PLEKHG7: variants seen among roughly 807,000 people sequenced by gnomAD.
The protein encoded by PLEKHG7 is pleckstrin homology and RhoGEF domain containing G7, also known as pleckstrin homology domain-containing family G member 7.
Under a neutral mutation model 85.2 loss-of-function variants are expected in PLEKHG7, and 77 were observed. The ratio of observed to expected loss-of-function variants is 0.90; its 90% CI spans 0.75 to 1.09. The LOEUF is 1.09. PLEKHG7 is among the 50% of genes least tolerant of loss of function. The pLI, the probability that PLEKHG7 is intolerant of heterozygous loss-of-function variation, is 0.00. For synonymous variants in PLEKHG7, 301 were observed against 302.4 expected, an observed-to-expected ratio of 1.00 and a Z score of 0.05; for missense variants, 777 against 804.3, an observed-to-expected ratio of 0.97 and a Z score of 0.41.
Position 92,761,601 on chromosome 12 carries a change from GAAA to G in PLEKHG7, c.1637-150_1637-148del, listed in dbSNP as rs1196818112. ...GAAGGAAAGAGAGAATGAAAAGAAA[GAAA>G]GAAAAAGAAAGAAAGAAAGAAGAAA... On this transcript the variant is annotated intron_variant, in intron 13 of 16. Coordinates refer to ENST00000344636, the MANE Select transcript of PLEKHG7 (RefSeq NM_001377329.1). 68 of 978,664 alleles carry G rather than the reference GAAA, an allele frequency of 6.9e-5. 1 individual carries two copies. In the African/African-American group the frequency reaches 1.3e-3, roughly 19 times the overall value. The allele number at this position is 978,664 out of a possible 1,614,324, so 60.6% of individuals were successfully genotyped here.
rs746464174 is a variant in PLEKHG7 at position 92,740,838 on chromosome 12, T to TA, written c.940-15_940-14insA. 15 of 1,540,172 alleles carry TA rather than the reference T, an allele frequency of 9.7e-6. No individual in the cohort carries two copies. In the South Asian group the frequency reaches 1.7e-4, roughly 18 times the overall value. On this transcript the variant is annotated splice_polypyrimidine_tract_variant and intron_variant, in intron 7 of 16. Transcript: ENST00000344636. ...AAAAACAGAAATTAATGTGTATATA[T>TA]TTTTTATTTCAAAGATCTTTATGAA...
chr12:92,753,979 T>C (rs911170421), intron 10 of PLEKHG7, 111 bp from the exon 11 acceptor site: 5 of 1,053,950 alleles, frequency 4.7e-6, no homozygotes, highest in Non-Finnish European at 6.9e-6. Context: ...AACTCACAAG[T>C]AGGTCCTGCA....
At position 92,755,904 on chromosome 12, in the gene PLEKHG7, G is replaced by A. The variant is rs767021163; in HGVS notation, c.1506G>A (p.Pro502=). 28 of 1,613,030 alleles carry A rather than the reference G, an allele frequency of 1.7e-5. No homozygotes were observed. Among genetic ancestry groups the A allele is most frequent in the Admixed American group, 8.4e-5 (5 of 59,822 alleles). ...TACAGGAGATTATAGTGTGGCCACC[G>A]CTTTGGGATAGAGATAAAAGGTTTT... is the stretch of plus-strand genomic sequence containing the variant. ...RYLQEIIVWP[P]LWDRDKRFFI... The change falls in exon 12 of 17, where the codon CCG becomes CCA. Residue 502 remains proline, a synonymous_variant. Coordinates refer to ENST00000344636, the MANE Select transcript of PLEKHG7 (RefSeq NM_001377329.1).
intron 1 of PLEKHG7, among the ~76,000 whole-genome samples, chr12:92,705,324 G>T (rs1871202354): frequency 6.6e-6 from 1 of 151,904 alleles, no homozygotes; most frequent in African/African-American, 2.4e-5. Flanking sequence ...TAAGGAAAAG[G>T]TTTATTGGTT....
intron 3 of PLEKHG7, among the ~76,000 whole-genome samples, chr12:92,711,634 T>C (rs1396075224): frequency 6.6e-6 from 1 of 151,794 alleles, no homozygotes; most frequent in Non-Finnish European, 1.5e-5. Context: ...AAAAGGAGAG[T>C]AGTTATCTGC....
At chr12:92,725,212 C>G (rs1021125711) in intron 3 of PLEKHG7, among the ~76,000 whole-genome samples, 6 of 152,134 alleles carry the variant, frequency 3.9e-5, no homozygotes, top group Non-Finnish European at 5.9e-5. Flanking sequence ...AAGCACCAAG[C>G]TGGGAAGCAC....
chr12:92,719,503 AAGGCTGCCTGATT>A (rs1871578668), intron 3 of PLEKHG7, among the ~76,000 whole-genome samples: 2 of 152,204 alleles, frequency 1.3e-5, no homozygotes, highest in African/African-American at 2.4e-5. Context: ...AGGGCCTGAT[AAGGCTGCCTGATT>A]AAAAAACAAA....
At chr12:92,733,605 C>G (rs1872054908) in intron 5 of PLEKHG7, among the ~76,000 whole-genome samples, 1 of 152,268 alleles carries the variant, frequency 6.6e-6, no homozygotes, top group South Asian at 2.1e-4. Flanking sequence ...CTCCTGAGCT[C>G]TTTCTTCGAA....
At chr12:92,723,473 A>C (rs1871702334) in intron 3 of PLEKHG7, among the ~76,000 whole-genome samples, 1 of 152,212 alleles carries the variant, frequency 6.6e-6, no homozygotes, top group African/African-American at 2.4e-5. Context: ...TTGTACTTAA[A>C]GAGTGTCAGT....
chr12:92,749,444 A>C (rs868330260), intron 10 of PLEKHG7: 10 of 152,260 alleles, frequency 6.6e-5, no homozygotes, highest in South Asian at 2.1e-4. Context: ...AACATGTGCC[A>C]CCACACCTGA....
Position 92,710,700 on chromosome 12 carries a change from G to T in PLEKHG7, c.530+3028G>T, listed in dbSNP as rs577535685. 4.6e-5 allele frequency among the ~76,000 whole-genome samples: 7 copies of T among 152,312 alleles called. No homozygotes were observed. In the South Asian group the frequency reaches 8.3e-4, roughly 18 times the overall value. On this transcript the variant is annotated intron_variant, in intron 3 of 16. Coordinates refer to ENST00000344636, the MANE Select transcript of PLEKHG7 (RefSeq NM_001377329.1). ...TTGATCTATGCTGCTGGCAAACTGGGCACTCAGAAGTGGCTGTAGCCAGGT... is the reference window on the plus strand; with the variant it reads ...TTGATCTATGCTGCTGGCAAACTGGTCACTCAGAAGTGGCTGTAGCCAGGT...
rs187220439 is a variant in PLEKHG7, at chr12:92,714,086, C to A, written c.530+6414C>A. Among the ~76,000 whole-genome samples, 26 of 152,350 alleles carry A rather than the reference C, an allele frequency of 1.7e-4. No homozygotes were observed. In the East Asian group the frequency reaches 4.6e-3, roughly 27 times the overall value. On this transcript the variant is annotated intron_variant, in intron 3 of 16. Coordinates refer to ENST00000344636, the MANE Select transcript of PLEKHG7 (RefSeq NM_001377329.1). ...CTCATGGGTCACACTCTCAACCTTACCTCTAGGTGCCTGCCGGGACTTTAG... is the reference window on the plus strand; with the variant it reads ...CTCATGGGTCACACTCTCAACCTTAACTCTAGGTGCCTGCCGGGACTTTAG...
At chr12:92,720,753 T>A (rs1871616412) in intron 3 of PLEKHG7, among the ~76,000 whole-genome samples, 1 of 152,204 alleles carries the variant, frequency 6.6e-6, no homozygotes, top group African/African-American at 2.4e-5. Flanking sequence ...AATAAGGCCA[T>A]ATGCACATGT....
chr12:92,760,071 A>G (rs1872942673), intron 13 of PLEKHG7, among the ~76,000 whole-genome samples: 1 of 152,170 alleles, frequency 6.6e-6, no homozygotes, highest in Non-Finnish European at 1.5e-5. Context: ...AGAAGGAGAG[A>G]CAGAGACAAG....
intron 5 of PLEKHG7, among the ~76,000 whole-genome samples, chr12:92,733,352 T>C (rs1017564748): frequency 5.3e-5 from 8 of 152,230 alleles, no homozygotes; most frequent in Non-Finnish European, 1.0e-4. Flanking sequence ...CTAGTAGTAG[T>C]ATCTTTAATT....
chr12:92,744,753 C>T (rs1872476629), intron 9 of PLEKHG7, among the ~76,000 whole-genome samples: 1 of 151,750 alleles, frequency 6.6e-6, no homozygotes, highest in African/African-American at 2.4e-5. Flanking sequence ...GCAACTTCCA[C>T]CTCCTGGGTT....
intron 6 of PLEKHG7, 56 bp downstream of exon 6, chr12:92,736,633 G>A: frequency 1.9e-6 from 2 of 1,068,144 alleles, no homozygotes; most frequent in Non-Finnish European, 2.4e-6. Flanking sequence ...TTTTTTGGTG[G>A]GGTGGGGAAG....
intron 14 of PLEKHG7, among the ~76,000 whole-genome samples, chr12:92,763,725 G>C (rs1232314143): frequency 6.6e-6 from 1 of 151,994 alleles, no homozygotes; most frequent in African/African-American, 2.4e-5. Context: ...CTGAGATGAT[G>C]GGAGGATCAC....
intron 13 of PLEKHG7, among the ~76,000 whole-genome samples, chr12:92,756,894 T>A (rs138181345): frequency 1.3e-5 from 2 of 152,262 alleles, no homozygotes; most frequent in East Asian, 3.9e-4. Flanking sequence ...TCAGGATAAG[T>A]TCAGAAAAGA....
Sources: allele counts gnomAD v4.1 joint callset (sites outside exome capture counted in the v4.1 genomes callset), GRCh38; gene constraint gnomAD v4.1.1; transcripts MANE v1.5; gene names NCBI Gene and HGNC (gene_info 2026-07-23, HGNC 2026-07-21).